SRGAP2: variants seen among roughly 807,000 people sequenced by gnomAD.
SRGAP2 encodes the protein SLIT-ROBO Rho GTPase-activating protein 2.
SRGAP2 carries 15 observed loss-of-function variants against 57.2 expected under a neutral mutation model. The observed-to-expected ratio is 0.26, with a 90% CI of 0.18 to 0.40. SRGAP2 has a LOEUF of 0.40. SRGAP2 is among the 10% of genes least tolerant of loss of function. The probability of loss-of-function intolerance (pLI) is 1.00; values close to 1 mark genes in which losing one functional copy is unlikely to be tolerated. For missense variants in SRGAP2, 520 were observed against 669.6 expected (o/e 0.78, Z 2.47); for synonymous variants, 249 against 248.0 (o/e 1.00, Z -0.04).
intron 7 of SRGAP2, among the ~76,000 whole-genome samples, chr1:206,394,310 C>G (rs1553352649): frequency 6.6e-6 from 1 of 151,946 alleles, no homozygotes; most frequent in Non-Finnish European, 1.5e-5. Flanking sequence ...GATCCACCTG[C>G]CTCGACTTCC....
chr1:206,340,505 G>T (rs1675101542), intron 3 of SRGAP2, among the ~76,000 whole-genome samples: 1 of 151,954 alleles, frequency 6.6e-6, no homozygotes, highest in Non-Finnish European at 1.5e-5. Flanking sequence ...TATAGGGAAA[G>T]AACCAGTATA....
chr1:206,450,757 C>A (rs1663199223), intron 19 of SRGAP2, among the ~76,000 whole-genome samples: 2 of 152,106 alleles, frequency 1.3e-5, no homozygotes, highest in African/African-American at 2.4e-5. Flanking sequence ...GATGTTGGTC[C>A]CTTATCATAG....
chr1:206,305,893 TTA>T (rs1672165554), intron 3 of SRGAP2, among the ~76,000 whole-genome samples: 1 of 152,110 alleles, frequency 6.6e-6, no homozygotes, highest in African/African-American at 2.4e-5. Flanking sequence ...TCAGAGTTTC[TTA>T]TCTTTCCCAA....
intron 4 of SRGAP2, among the ~76,000 whole-genome samples, chr1:206,358,452 G>A (rs1164780904): frequency 4.7e-5 from 7 of 149,756 alleles, no homozygotes; most frequent in Admixed American, 2.0e-4. Context: ...AACAAACTGG[G>A]AGATCCAGTC....
At position 206,307,933 on chromosome 1, in the gene SRGAP2, G is replaced by T. The variant is rs1351673398; in HGVS notation, c.260+4460G>T. On this transcript the variant is annotated intron_variant, in intron 3 of 22. Transcript: ENST00000573034. ...AGGGGGGGGTGCTGAAGGGCTCCTC[G>T]AATTCCATTAAAGTGGGAGCCCAGG... is the stretch of plus-strand genomic sequence containing the variant. Among the ~76,000 whole-genome samples the T allele has an allele frequency of 1.6e-4, 24 of 152,354 alleles. No homozygotes were observed. In the South Asian group the frequency reaches 5.0e-3, roughly 32 times the overall value.
intron 11 of SRGAP2, among the ~76,000 whole-genome samples, chr1:206,417,374 G>T (rs1461013499): frequency 6.8e-6 from 1 of 146,756 alleles, no homozygotes; most frequent in African/African-American, 2.5e-5. Flanking sequence ...AAAGTGCTGG[G>T]ATTACAAGCG....
intron 4 of SRGAP2, among the ~76,000 whole-genome samples, chr1:206,369,893 C>G (rs1654366854): frequency 1.3e-5 from 2 of 151,682 alleles, no homozygotes; most frequent in South Asian, 4.2e-4. Flanking sequence ...ATCAATTCCA[C>G]ATCTAGGTGT....
At chr1:206,440,564 T>C (rs1400737285) in intron 17 of SRGAP2, among the ~76,000 whole-genome samples, 1 of 152,046 alleles carries the variant, frequency 6.6e-6, no homozygotes, top group Non-Finnish European at 1.5e-5. Context: ...TTTTTTTTTT[T>C]TTGAGACGGA....
At chr1:206,441,259 A>C (rs1572163513) in intron 17 of SRGAP2, among the ~76,000 whole-genome samples, 1 of 152,112 alleles carries the variant, frequency 6.6e-6, no homozygotes, top group Admixed American at 6.5e-5. Context: ...TAGGAATCCA[A>C]CCCTTAAGGG....
intron 22 of SRGAP2, among the ~76,000 whole-genome samples, chr1:206,459,550 G>T (rs996703595): frequency 1.3e-5 from 2 of 151,164 alleles, no homozygotes; most frequent in African/African-American, 4.9e-5. Flanking sequence ...TGTATGCACC[G>T]CACTGATGAC....
chr1:206,453,372 C>A lies in SRGAP2; in HGVS notation c.2352C>A (p.Val784=), dbSNP rs1663508637. The stretch of plus-strand genomic sequence containing the variant: ...TCATCCCCCATCAGTACATCGTGGT[C>A]CAAGACACGTACGTTGGGCCCATGG... ...DGLIPHQYIV[V]QDTEDGVVER... The change falls in exon 20 of 23, where the codon GTC becomes GTA. Residue 784 remains valine (V), a synonymous_variant. Coordinates refer to ENST00000573034, the MANE Select transcript of SRGAP2 (RefSeq NM_015326.5). 1 of 687,642 alleles carries A rather than the reference C, an allele frequency of 1.5e-6. No individual in the cohort carries two copies. The allele number at this position is 687,642 out of a possible 1,614,324, so 42.6% of individuals were successfully genotyped here.
rs1401803328 is a variant in SRGAP2, at chr1:206,432,117, G to A, written c.1555+1895G>A. Among the ~76,000 whole-genome samples the A allele has an allele frequency of 2.6e-5, 4 of 152,322 alleles. No homozygotes were observed. The East Asian group carries it at 7.7e-4, about 29-fold the overall frequency. The stretch of plus-strand genomic sequence containing the variant: ...TCTATGGAGCTAAGACTGTAAGAAG[G>A]AGACAGGAAGCAACTGCAGTAGCCT... On this transcript the variant is annotated intron_variant, in intron 14 of 22. Coordinates refer to ENST00000573034, the MANE Select transcript of SRGAP2 (RefSeq NM_015326.5).
At chr1:206,321,218 A>C (rs1316491989) in intron 3 of SRGAP2, among the ~76,000 whole-genome samples, 2 of 143,926 alleles carry the variant, frequency 1.4e-5, no homozygotes, top group Non-Finnish European at 3.0e-5. Context: ...ATTTCTGATA[A>C]TTTCCTTATT....
rs1431086794 is a variant in SRGAP2, at chr1:206,280,186, A to G, written c.68-23095A>G. On this transcript the variant is annotated intron_variant, in intron 2 of 22. Coordinates refer to ENST00000573034, the MANE Select transcript of SRGAP2 (RefSeq NM_015326.5). ...GGTCTCCAGCTCCAAGGCTCAAGCA[A>G]TTCTCCCGTCAGCCTCCTGAATAGC... 2.6e-4 allele frequency among the ~76,000 whole-genome samples: 38 copies of G among 148,652 alleles called. No homozygotes were observed. The East Asian group carries it at 6.3e-3, about 25-fold the overall frequency.
intron 8 of SRGAP2, among the ~76,000 whole-genome samples, chr1:206,402,263 T>G (rs549910413): frequency 1.3e-5 from 2 of 152,188 alleles, no homozygotes; most frequent in African/African-American, 4.8e-5. Flanking sequence ...TAAGATGCTA[T>G]CCCAAAGGCC....
intron 20 of SRGAP2, chr1:206,453,947 A>C (rs1004416194): frequency 3.0e-4 from 165 of 558,782 alleles, no homozygotes; most frequent in Non-Finnish European, 4.2e-4. Context: ...GTCAAGGAAC[A>C]AAGGAAACCT....
intron 2 of SRGAP2, among the ~76,000 whole-genome samples, chr1:206,253,728 C>A (rs1453530927): frequency 6.6e-6 from 1 of 151,154 alleles, no homozygotes; most frequent in African/African-American, 2.4e-5. Context: ...ACTACAGGCG[C>A]CCGCCACCAG....
intron 2 of SRGAP2, among the ~76,000 whole-genome samples, chr1:206,216,788 C>A (rs1666675730): frequency 1.1e-5 from 1 of 90,784 alleles, no homozygotes. Context: ...GGCATATTCT[C>A]TTTGTTTTTT....
chr1:206,411,103 G>A (rs1318886886), intron 10 of SRGAP2, among the ~76,000 whole-genome samples: 13 of 152,146 alleles, frequency 8.5e-5, no homozygotes, highest in African/African-American at 1.7e-4. Context: ...CTCGTGATCC[G>A]CCCACCTTGG....
Sources: gnomAD v4.1 joint callset for allele counts (sites outside exome capture counted in the v4.1 genomes callset) on GRCh38, gnomAD v4.1.1 for gene constraint, MANE v1.5 for transcripts, NCBI Gene and HGNC (gene_info 2026-07-23, HGNC 2026-07-21) for gene names.